MAP3K5: variants seen among roughly 807,000 people sequenced by gnomAD.
MAP3K5 encodes mitogen-activated protein kinase kinase kinase 5.
Under a neutral mutation model 158.7 loss-of-function variants are expected in MAP3K5, and 56 were observed. That is an observed-to-expected ratio of 0.35 (90% confidence interval 0.28 to 0.44). MAP3K5 has a LOEUF of 0.44. MAP3K5 is among the 20% of genes least tolerant of loss of function. The probability of loss-of-function intolerance (pLI) is 1.00; values close to 1 mark genes in which losing one functional copy is unlikely to be tolerated. For synonymous variants in MAP3K5, 579 were observed against 601.7 expected, an observed-to-expected ratio of 0.96 and a Z score of 0.55; for missense variants, 1,294 against 1,674.8, an observed-to-expected ratio of 0.77 and a Z score of 3.97.
chr6:136,606,559 C>T (rs777856810), intron 18 of MAP3K5, among the ~76,000 whole-genome samples: 7 of 152,138 alleles, frequency 4.6e-5, no homozygotes, highest in South Asian at 2.1e-4. Context: ...ATTTGAACTT[C>T]GAATACCCCA....
intron 25 of MAP3K5, among the ~76,000 whole-genome samples, chr6:136,573,350 T>A (rs1774455863): frequency 6.6e-6 from 1 of 152,138 alleles, no homozygotes; most frequent in South Asian, 2.1e-4. Flanking sequence ...GCCTTTGGAG[T>A]CAGACTGATT....
chr6:136,693,498 A>C (rs563067052), intron 7 of MAP3K5, among the ~76,000 whole-genome samples: 1 of 152,094 alleles, frequency 6.6e-6, no homozygotes, highest in Non-Finnish European at 1.5e-5. Flanking sequence ...CTCATCTACA[A>C]ACTCGGTATA....
chr6:136,561,378 G>C (rs1175630106), intron 28 of MAP3K5, among the ~76,000 whole-genome samples, 155 bp downstream of exon 28: 1 of 152,184 alleles, frequency 6.6e-6, no homozygotes, highest in Non-Finnish European at 1.5e-5. Context: ...GGAGTTAGCT[G>C]ATTATCACGT....
Position 136,557,636 on chromosome 6 carries a change from T to C in MAP3K5, c.*122A>G. On this transcript the variant is annotated 3_prime_UTR_variant, in exon 30 of 30. Coordinates refer to ENST00000359015, the MANE Select transcript of MAP3K5 (RefSeq NM_005923.4). ...CTGTTTTTTTTTTTTTTAACATGAG[T>C]AAACAAATACTGGATTTAAAGTGCA... The C allele has an allele frequency of 1.7e-6, 1 of 587,404 alleles. No individual in the cohort carries two copies. The highest frequency in any genetic ancestry group is 3.0e-6 in the Non-Finnish European group (1 of 334,638). 36.4% of individuals were successfully genotyped at this position (587,404 alleles called of 1,614,324 possible).
At chr6:136,614,040 T>C in intron 16 of MAP3K5, 119 bp downstream of exon 16, 1 of 1,062,454 alleles carries the variant, frequency 9.4e-7, no homozygotes, top group Non-Finnish European at 1.3e-6. Context: ...ATGTCACATG[T>C]CCAATTTTTC....
intron 15 of MAP3K5, among the ~76,000 whole-genome samples, chr6:136,622,389 T>C (rs1043142688): frequency 6.6e-6 from 1 of 152,128 alleles, no homozygotes; most frequent in Non-Finnish European, 1.5e-5. Flanking sequence ...TTCCAGTCTC[T>C]CCAATTTCAG....
At chr6:136,771,060 A>G (rs1271708957) in intron 1 of MAP3K5, among the ~76,000 whole-genome samples, 2 of 152,170 alleles carry the variant, frequency 1.3e-5, no homozygotes, top group Non-Finnish European at 2.9e-5. Context: ...TTCTGTATGA[A>G]AGTACGTTTG....
At chr6:136,699,678 C>A (rs1049906397) in intron 3 of MAP3K5, among the ~76,000 whole-genome samples, 34 of 152,136 alleles carry the variant, frequency 2.2e-4, no homozygotes, top group African/African-American at 8.0e-4. Context: ...GAGTTGGATA[C>A]CCTGAGTAAG....
In MAP3K5 at chr6:136,592,334, C is replaced by T. The variant is rs1172700229; in HGVS notation, c.3064G>A (p.Asp1022Asn). The change falls in exon 23 of 30, where the codon GAT becomes AAT. Residue 1022 changes from aspartate to asparagine, a missense_variant. Transcript: ENST00000359015. ...GIRTLFLGIP[D>N]ENFEDHSAPP... ...GCACTGTGATCTTCAAAATTCTCAT[C>T]TGGAATGCTGAGAAAATTTATGCAG... 6.3e-7 allele frequency: 1 copy of T among 1,589,662 alleles called. No homozygotes were observed. The highest frequency in any genetic ancestry group is 8.6e-7 in the Non-Finnish European group (1 of 1,167,904).
intron 17 of MAP3K5, among the ~76,000 whole-genome samples, chr6:136,612,410 A>AT (rs1776383407): frequency 6.6e-6 from 1 of 152,208 alleles, no homozygotes; most frequent in Non-Finnish European, 1.5e-5. Context: ...TGATGTATGT[A>AT]TAATTAAATT....
chr6:136,701,029 T>C (rs1436704325), intron 3 of MAP3K5, among the ~76,000 whole-genome samples: 2 of 152,216 alleles, frequency 1.3e-5, no homozygotes, highest in Admixed American at 6.5e-5. Flanking sequence ...CATAAGTCAG[T>C]GGGTCACAAC....
intron 1 of MAP3K5, among the ~76,000 whole-genome samples, chr6:136,788,690 C>T (rs1293789265): frequency 2.0e-5 from 3 of 152,100 alleles, no homozygotes; most frequent in Non-Finnish European, 2.9e-5. Flanking sequence ...CAAATCAAAA[C>T]CACAATGAGA....
At chr6:136,632,094 G>A (rs1401048672) in intron 14 of MAP3K5, among the ~76,000 whole-genome samples, 1 of 152,216 alleles carries the variant, frequency 6.6e-6, no homozygotes, top group African/African-American at 2.4e-5. Flanking sequence ...GTCAAGCCCA[G>A]AGGCCGGAGA....
At chr6:136,741,989 C>T (rs1449761215) in intron 1 of MAP3K5, among the ~76,000 whole-genome samples, 1 of 151,814 alleles carries the variant, frequency 6.6e-6, no homozygotes, top group Non-Finnish European at 1.5e-5. Context: ...ATAAAAGAAA[C>T]CAAAAAAGAA....
At chr6:136,576,587 G>A (rs1774628947) in intron 25 of MAP3K5, among the ~76,000 whole-genome samples, 1 of 152,152 alleles carries the variant, frequency 6.6e-6, no homozygotes, top group Admixed American at 6.5e-5. Context: ...GATTACAGGG[G>A]TGAGACACCA....
chr6:136,665,950 T>C (rs1001278493), intron 8 of MAP3K5, among the ~76,000 whole-genome samples: 10 of 152,246 alleles, frequency 6.6e-5, no homozygotes, highest in Non-Finnish European at 5.9e-5. Context: ...GTTCTTTTAC[T>C]GTATCATCAT....
In MAP3K5 at chr6:136,727,622, GT is replaced by G. The variant is rs1471452361; in HGVS notation, c.449-7034del. On this transcript the variant is annotated intron_variant, in intron 1 of 29. Transcript: ENST00000359015. Reference sequence around the variant, plus strand: ...ATGCACTTAATAATTATCTAATTGAGTTGTTGTAATAATACTGTGAGTAAAA... The same window carrying G: ...ATGCACTTAATAATTATCTAATTGAGTGTTGTAATAATACTGTGAGTAAAA... Among the ~76,000 whole-genome samples, 3 of 152,176 alleles carry G rather than the reference GT, an allele frequency of 2.0e-5. No homozygotes were observed. The East Asian group carries it at 5.8e-4, about 29-fold the overall frequency.
chr6:136,726,335 G>A (rs1489712491), intron 1 of MAP3K5, among the ~76,000 whole-genome samples: 3 of 152,218 alleles, frequency 2.0e-5, no homozygotes, highest in African/African-American at 7.2e-5. Context: ...TATCTCACCT[G>A]TAATCTCAAC....
At chr6:136,736,054 C>T (rs1413434502) in intron 1 of MAP3K5, among the ~76,000 whole-genome samples, 1 of 151,784 alleles carries the variant, frequency 6.6e-6, no homozygotes, top group African/African-American at 2.4e-5. Flanking sequence ...TAAATGAAAT[C>T]CAGTTGCATA....
Sources: gnomAD v4.1 joint callset for allele counts (sites outside exome capture counted in the v4.1 genomes callset) on GRCh38, gnomAD v4.1.1 for gene constraint, MANE v1.5 for transcripts, NCBI Gene and HGNC (gene_info 2026-07-23, HGNC 2026-07-21) for gene names.